INTS7: variants seen among roughly 807,000 people sequenced by gnomAD.
INTS7 encodes integrator complex subunit 7.
Under a neutral mutation model 109.2 loss-of-function variants are expected in INTS7, and 46 were observed. That is an observed-to-expected ratio of 0.42 (90% CI 0.33 to 0.54). INTS7 has a LOEUF of 0.54. Ranked by LOEUF, INTS7 falls within the 20% of genes least tolerant of loss-of-function variation. The pLI, the probability that INTS7 is intolerant of heterozygous loss-of-function variation, is 0.07. For missense variants in INTS7, 929 were observed against 1,132.4 expected, an observed-to-expected ratio of 0.82 and a Z score of 2.58; for synonymous variants, 412 against 402.9, an observed-to-expected ratio of 1.02 and a Z score of -0.27.
intron 1 of INTS7, among the ~76,000 whole-genome samples, chr1:212,024,773 T>C (rs949960923): frequency 6.6e-6 from 1 of 152,242 alleles, no homozygotes; most frequent in African/African-American, 2.4e-5. Flanking sequence ...AGTCTGCTAT[T>C]GTGAGTGAAA....
At chr1:211,962,138 C>A (rs1464193174) in intron 16 of INTS7, among the ~76,000 whole-genome samples, 1 of 151,604 alleles carries the variant, frequency 6.6e-6, no homozygotes, top group African/African-American at 2.4e-5. Flanking sequence ...ATCTCACATG[C>A]AATTACATCC....
At chr1:212,025,705 A>T (rs1666887350) in intron 1 of INTS7, 1 of 162,604 alleles carries the variant, frequency 6.1e-6, no homozygotes, top group Admixed American at 6.1e-5. Flanking sequence ...AAAAAAAAAA[A>T]TTCACTAAGA....
intron 4 of INTS7, among the ~76,000 whole-genome samples, chr1:212,012,071 TAAC>T (rs1666187335): frequency 6.6e-6 from 1 of 152,200 alleles, no homozygotes; most frequent in Non-Finnish European, 1.5e-5. Flanking sequence ...CCTGCACTGT[TAAC>T]AATAGGCTGG....
chr1:211,968,220 T>C (rs1041248749), intron 14 of INTS7, among the ~76,000 whole-genome samples: 3 of 152,236 alleles, frequency 2.0e-5, no homozygotes, highest in Non-Finnish European at 4.4e-5. Context: ...AAAACATTTG[T>C]ATTTTAGCGT....
Position 211,968,616 on chromosome 1 carries a change from C to T in INTS7, c.1907G>A (p.Cys636Tyr). The T allele has an allele frequency of 6.2e-7, 1 of 1,612,452 alleles. No individual in the cohort carries two copies. Among genetic ancestry groups the T allele is most frequent in the Admixed American group, 1.7e-5 (1 of 59,822 alleles). ...DLLQAFSQLI[C>Y]TCNSLKTSPP... ...GCTTGTCTTCAGGCTATTACAAGTA[C>T]AGATAAGTTGAGAGAAGGCTTGTAA... The change falls in exon 14 of 20, where the codon TGT (cysteine) becomes TAT (tyrosine). Residue 636 changes from cysteine (C) to tyrosine (Y), a missense_variant. This residue lies in a region of INTS7 where 787 missense variants were observed against 901.1 expected (regional missense o/e 0.87). Coordinates refer to ENST00000366994, the MANE Select transcript of INTS7 (RefSeq NM_015434.4).
intron 19 of INTS7, among the ~76,000 whole-genome samples, chr1:211,943,156 G>A (rs754400781): frequency 2.0e-5 from 3 of 151,930 alleles, no homozygotes; most frequent in Non-Finnish European, 4.4e-5. Context: ...TCCTTAAAAG[G>A]ACCAGAAATA....
intron 13 of INTS7, among the ~76,000 whole-genome samples, chr1:211,969,158 G>A (rs1317924636): frequency 2.0e-5 from 3 of 151,710 alleles, no homozygotes; most frequent in Admixed American, 6.6e-5. Flanking sequence ...TGTGGCGGGT[G>A]CCTGTAGTCC....
Position 211,991,086 on chromosome 1 carries a change from C to T in INTS7, c.880-3083G>A, listed in dbSNP as rs116111385. On this transcript the variant is annotated intron_variant, in intron 7 of 19. Coordinates refer to ENST00000366994, the MANE Select transcript of INTS7 (RefSeq NM_015434.4). The stretch of plus-strand genomic sequence containing the variant: ...ATGACAGACATTTTAAAAGAGATTA[C>T]ATATCAAGAAATGAATAAGAAGGAT... Among the ~76,000 whole-genome samples the T allele has an allele frequency of 5.7e-3, 871 of 152,150 alleles. 6 individuals are homozygous for T. The highest frequency in any genetic ancestry group is 0.019 in the African/African-American group (806 of 41,490).
chr1:211,987,318 C>CA (rs546307726), intron 8 of INTS7, among the ~76,000 whole-genome samples: 85 of 150,574 alleles, frequency 5.6e-4, no homozygotes, highest in Middle Eastern at 3.4e-3. Flanking sequence ...ACAACAACAA[C>CA]AAAAAAAAAC....
chr1:211,962,949 C>T (rs1663705663), intron 16 of INTS7, among the ~76,000 whole-genome samples: 6 of 152,038 alleles, frequency 3.9e-5, no homozygotes, highest in Admixed American at 3.9e-4. Context: ...AAAGTAACAT[C>T]ACAACTAAAA....
In INTS7 at chr1:212,035,428, T is replaced by G; in HGVS notation, c.10A>C (p.Asn4His). MAS[N>H]STKSFLADAG... ...TCTGCCAGGAAAGACTTAGTTGAGT[T>G]TGACGCCATGACCCGAATAGTTACT... The change falls in exon 1 of 20, where the codon AAC becomes CAC. Residue 4 changes from asparagine (N) to histidine (H), a missense_variant. Physicochemically the swap from Asn to His is moderately conservative, Grantham distance 68. Coordinates refer to ENST00000366994, the MANE Select transcript of INTS7 (RefSeq NM_015434.4). 1 of 1,613,140 alleles carries G rather than the reference T, an allele frequency of 6.2e-7. No homozygotes were observed. Among genetic ancestry groups the G allele is most frequent in the Non-Finnish European group, 8.5e-7 (1 of 1,179,040 alleles).
intron 4 of INTS7, among the ~76,000 whole-genome samples, chr1:212,012,628 A>G (rs780859491): frequency 3.3e-5 from 5 of 152,208 alleles, no homozygotes; most frequent in African/African-American, 1.2e-4. Context: ...ATTTTTTAAT[A>G]AATTAGAAGT....
chr1:211,997,047 A>G (rs905514901), intron 7 of INTS7, among the ~76,000 whole-genome samples: 4 of 151,888 alleles, frequency 2.6e-5, no homozygotes, highest in Admixed American at 2.0e-4. Context: ...ATAAAAATAA[A>G]AACCACTGAT....
At chr1:212,014,078 T>A (rs760845555) in intron 4 of INTS7, among the ~76,000 whole-genome samples, 3 of 152,252 alleles carry the variant, frequency 2.0e-5, no homozygotes, top group Non-Finnish European at 4.4e-5. Context: ...TACTGCTGCA[T>A]CTATTAATTT....
At chr1:211,992,296 A>C (rs896380210) in intron 7 of INTS7, among the ~76,000 whole-genome samples, 1 of 152,112 alleles carries the variant, frequency 6.6e-6, no homozygotes, top group Non-Finnish European at 1.5e-5. Flanking sequence ...TTCTGTGGTA[A>C]TAAACTAGGT....
intron 13 of INTS7, 29 bp from the exon 14 acceptor site, chr1:211,968,736 A>T: frequency 6.4e-7 from 1 of 1,565,576 alleles, no homozygotes; most frequent in Non-Finnish European, 8.7e-7. Context: ...AGAGATATTT[A>T]AGACAAAGTA....
intron 7 of INTS7, among the ~76,000 whole-genome samples, chr1:212,000,830 GCTT>G (rs957522000): frequency 3.3e-5 from 5 of 151,948 alleles, no homozygotes; most frequent in Non-Finnish European, 7.4e-5. Flanking sequence ...CCTACATTAG[GCTT>G]CTTAAGGTCT....
intron 16 of INTS7, among the ~76,000 whole-genome samples, chr1:211,962,199 T>C (rs533376345): frequency 3.5e-3 from 210 of 60,516 alleles, no homozygotes; most frequent in African/African-American, 0.013. Context: ...AAATGAAAAA[T>C]AGAAAAAAGC....
intron 16 of INTS7, among the ~76,000 whole-genome samples, chr1:211,962,637 C>A (rs1442673422): frequency 6.6e-6 from 1 of 152,106 alleles, no homozygotes. Context: ...GGACACAAAA[C>A]AATCTTCAGC....
Sources: gnomAD v4.1 joint callset for allele counts (sites outside exome capture counted in the v4.1 genomes callset) on GRCh38, gnomAD v4.1.1 for gene constraint, gnomAD v4.1.1 regional missense constraint, MANE v1.5 for transcripts, NCBI Gene and HGNC (gene_info 2026-07-23, HGNC 2026-07-21) for gene names.